The following ADAM2 variants were observed in gnomAD, a reference collection of about 807,000 sequenced individuals.
ADAM2 encodes ADAM metallopeptidase domain 2.
A neutral mutation model predicts 99.3 loss-of-function variants in ADAM2; 101 were observed. That is an observed-to-expected ratio of 1.02 (90% CI 0.87 to 1.20). ADAM2 has a LOEUF of 1.20. Ranked by LOEUF, ADAM2 falls within the 50% of genes most tolerant of loss-of-function variation. The pLI is 0.00. For missense variants in ADAM2, 948 were observed against 878.7 expected, an observed-to-expected ratio of 1.08 and a Z score of -1.00; for synonymous variants, 323 against 287.6, an observed-to-expected ratio of 1.12 and a Z score of -1.25.
intron 7 of ADAM2, among the ~76,000 whole-genome samples, chr8:39,808,193 C>CACAT (rs1228480217): frequency 7.1e-6 from 1 of 140,172 alleles, no homozygotes; most frequent in Non-Finnish European, 1.5e-5. Context: ...AAGGAATACA[C>CACAT]ACACACACAC....
At chr8:39,772,072 G>T (rs557343173) in intron 11 of ADAM2, among the ~76,000 whole-genome samples, 13 of 112,444 alleles carry the variant, frequency 1.2e-4, no homozygotes, top group Non-Finnish European at 1.1e-4. Context: ...GAACTTAAAA[G>T]TATAATAAAA....
chr8:39,810,059 C>T (rs567862183), intron 6 of ADAM2, among the ~76,000 whole-genome samples: 1 of 151,962 alleles, frequency 6.6e-6, no homozygotes, highest in East Asian at 1.9e-4. Context: ...CAGAGACAAA[C>T]ATAAGCTCAA....
chr8:39,806,790 C>T (rs887435237), intron 7 of ADAM2, among the ~76,000 whole-genome samples: 7 of 151,870 alleles, frequency 4.6e-5, no homozygotes, highest in African/African-American at 1.7e-4. Context: ...TAAGGAGAAC[C>T]CTAAGGAAAT....
intron 11 of ADAM2, 30 bp downstream of exon 11, chr8:39,776,995 T>A: frequency 7.7e-7 from 1 of 1,291,200 alleles, no homozygotes; most frequent in Non-Finnish European, 1.1e-6. Context: ...TTAAACTATA[T>A]ATGTAAAGTA....
At chr8:39,794,938 G>A (rs1803877173) in intron 7 of ADAM2, among the ~76,000 whole-genome samples, 1 of 151,730 alleles carries the variant, frequency 6.6e-6, no homozygotes, top group Non-Finnish European at 1.5e-5. Flanking sequence ...TTCTACCTAG[G>A]TTTCCTAATA....
chr8:39,836,826 T>A (rs1278217481), intron 2 of ADAM2, among the ~76,000 whole-genome samples: 1 of 152,090 alleles, frequency 6.6e-6, no homozygotes, highest in Admixed American at 6.6e-5. Context: ...TTCCTCCAAA[T>A]ACAGCCTGAA....
At chr8:39,748,150 C>T (rs1262500158) in intron 18 of ADAM2, among the ~76,000 whole-genome samples, 1 of 152,004 alleles carries the variant, frequency 6.6e-6, no homozygotes, top group East Asian at 1.9e-4. Flanking sequence ...TGATAATTTT[C>T]AAGAAGTGAA....
rs758474420 is a variant in ADAM2, at chr8:39,821,598, C to T, written c.332G>A (p.Cys111Tyr). 4.4e-6 allele frequency: 7 copies of T among 1,599,046 alleles called. No individual in the cohort carries two copies. Among genetic ancestry groups the T allele is most frequent in the Non-Finnish European group, 6.0e-6 (7 of 1,167,288 alleles). Residue 111 changes from cysteine to tyrosine, a missense_variant, in exon 5 of 21, where the codon TGT becomes TAT. Physicochemically the swap from Cys to Tyr is radical, Grantham distance 194. Coordinates refer to ENST00000265708, the MANE Select transcript of ADAM2 (RefSeq NM_001464.5). ...YPKSVVMVST[C>Y]TGLRGVLQFE... ...AGTAAATTACAACCTGAGTCCAGTA[C>T]ATGTGCTAACCATCACCACAGATTT...
intron 7 of ADAM2, among the ~76,000 whole-genome samples, chr8:39,790,914 C>A (rs957774857): frequency 6.6e-6 from 1 of 151,878 alleles, no homozygotes; most frequent in Non-Finnish European, 1.5e-5. Flanking sequence ...ATTAATAGTG[C>A]TTTTCCCCCA....
At chr8:39,827,929 A>G (rs973102966) in intron 3 of ADAM2, among the ~76,000 whole-genome samples, 2 of 152,096 alleles carry the variant, frequency 1.3e-5, no homozygotes, top group African/African-American at 4.8e-5. Context: ...TAGCTTAGTC[A>G]TTTCACAATG....
At chr8:39,834,417 A>G (rs1036022322) in intron 2 of ADAM2, among the ~76,000 whole-genome samples, 1 of 151,948 alleles carries the variant, frequency 6.6e-6, no homozygotes, top group African/African-American at 2.4e-5. Context: ...TACTATCAGT[A>G]CTATGTTGAG....
chr8:39,788,924 A>C (rs1586103061), intron 7 of ADAM2, among the ~76,000 whole-genome samples, 184 bp from the exon 8 acceptor site: 2 of 151,744 alleles, frequency 1.3e-5, no homozygotes. Context: ...AAACTGAAAA[A>C]TATGAATTGG....
At chr8:39,775,478 A>C (rs1180314070) in intron 11 of ADAM2, among the ~76,000 whole-genome samples, 1 of 152,130 alleles carries the variant, frequency 6.6e-6, no homozygotes, top group African/African-American at 2.4e-5. Flanking sequence ...TCTCTCATAC[A>C]AGGTGGAAAA....
intron 7 of ADAM2, among the ~76,000 whole-genome samples, chr8:39,794,788 G>T (rs555247278): frequency 8.9e-4 from 136 of 152,104 alleles, no homozygotes; most frequent in Non-Finnish European, 6.8e-4. Flanking sequence ...CTCACTCAGG[G>T]AGCTTGACTC....
rs770318483 is a variant in ADAM2, at chr8:39,767,172, G to T, written c.1292C>A (p.Pro431Gln). 2.5e-6 allele frequency: 4 copies of T among 1,606,740 alleles called. No individual in the cohort carries two copies. The highest frequency in any genetic ancestry group is 4.5e-5 in the East Asian group (2 of 44,856). Residue 431 changes from proline (P) to glutamine (Q), a missense_variant, in exon 13 of 21, where the codon CCA becomes CAA. Pro to Gln is a moderately conservative substitution (Grantham distance 76). Coordinates refer to ENST00000265708, the MANE Select transcript of ADAM2 (RefSeq NM_001464.5). ...FKAGSNCAEGPCCENCLFMSK... is the reference protein window; with the variant it reads ...FKAGSNCAEGQCCENCLFMSK... ...TCTTACTAGACAGTTTTCGCAGCAT[G>T]GTCCTTCAGCACAGTTTGAACCGGC...
At chr8:39,774,564 T>C (rs377272125) in intron 11 of ADAM2, 1 of 151,766 alleles carries the variant, frequency 6.6e-6, no homozygotes, top group Non-Finnish European at 1.5e-5. Flanking sequence ...AGAAAAACAA[T>C]AAGAAACCTA....
intron 8 of ADAM2, 72 bp downstream of exon 8, chr8:39,788,597 G>T (rs1460356445): frequency 2.9e-6 from 3 of 1,036,082 alleles, no homozygotes; most frequent in Admixed American, 2.3e-5. Flanking sequence ...GATTCATGTA[G>T]TGTCATAATG....
At chr8:39,783,950 G>GAA (rs201001327) in intron 10 of ADAM2, among the ~76,000 whole-genome samples, 4 of 144,284 alleles carry the variant, frequency 2.8e-5, no homozygotes, top group African/African-American at 5.1e-5. Context: ...GTCTCGAAAA[G>GAA]AAAAAAAAAA....
intron 7 of ADAM2, among the ~76,000 whole-genome samples, chr8:39,797,019 G>A (rs889381743): frequency 6.6e-6 from 1 of 152,088 alleles, no homozygotes; most frequent in African/African-American, 2.4e-5. Flanking sequence ...TCTGATGATA[G>A]TTTCTTTTGC....
Sources: allele counts gnomAD v4.1 joint callset (sites outside exome capture counted in the v4.1 genomes callset), GRCh38; gene constraint gnomAD v4.1.1; transcripts MANE v1.5; gene names NCBI Gene and HGNC (gene_info 2026-07-23, HGNC 2026-07-21).